DMD: variants seen among roughly 807,000 people sequenced by gnomAD.
DMD encodes mutant dystrophin.
In DMD, 63 loss-of-function variants were observed where a neutral mutation model predicts 330.1. The ratio of observed to expected loss-of-function variants is 0.19; its 90% CI spans 0.16 to 0.24. The LOEUF (loss-of-function observed/expected upper bound fraction) is 0.24, where lower values mean the gene tolerates loss of function less well. DMD is among the 10% of genes least tolerant of loss of function. The pLI is 1.00. For synonymous variants in DMD, 1,223 were observed against 959.8 expected (o/e 1.27, Z -5.07); for missense variants, 3,344 against 2,684.1 (o/e 1.25, Z -5.43).
At chrX:32,898,311 T>C (rs1205485455) in intron 2 of DMD, among the ~76,000 whole-genome samples, 2 of 112,121 alleles carry the variant, frequency 1.8e-5, no homozygotes, top group Non-Finnish European at 3.8e-5. Flanking sequence ...CTGGTAGCCA[T>C]TGATCTAATT....
Position 31,786,432 on chromosome X carries a change from T to C in DMD, c.7310-12240A>G, listed in dbSNP as rs140151147. 3.3e-3 allele frequency among the ~76,000 whole-genome samples: 364 copies of C among 111,900 alleles called. 3 individuals carry two copies. Among genetic ancestry groups the C allele is most frequent in the African/African-American group, 0.01 (323 of 30,853 alleles). On this transcript the variant is annotated intron_variant, in intron 50 of 78. Coordinates refer to ENST00000357033, the MANE Select transcript of DMD (RefSeq NM_004006.3). ...TTAAAAGAGATTTTTTTGAGTACTATAATAAATATCATCCTGTAAATTCCA... is the reference window on the plus strand; with the variant it reads ...TTAAAAGAGATTTTTTTGAGTACTACAATAAATATCATCCTGTAAATTCCA...
rs759509529 is a variant in DMD at position 32,527,864 on chromosome X, C to A, written c.2169-9733G>T. Among the ~76,000 whole-genome samples the A allele has an allele frequency of 1.7e-3, 185 of 111,358 alleles. 1 individual carries two copies. The highest frequency in any genetic ancestry group is 5.8e-3 in the African/African-American group (179 of 30,617). ...TGTATACACACACACAACACATACA[C>A]GTTTGTATAGTGTAAGTGTGTCTCC... is the stretch of plus-strand genomic sequence containing the variant. On this transcript the variant is annotated intron_variant, in intron 17 of 78. Coordinates refer to ENST00000357033, the MANE Select transcript of DMD (RefSeq NM_004006.3).
In DMD at chrX:32,042,064, TATGTACACATATATACACACACAC is replaced by T. The variant is rs2147383096; in HGVS notation, c.6439-73574_6439-73551del. 6.6e-5 allele frequency among the ~76,000 whole-genome samples: 4 copies of T among 60,283 alleles called. No homozygotes were observed. The South Asian group carries it at 2.6e-3, about 39-fold the overall frequency. 52.3% of individuals were successfully genotyped at this position (60,283 alleles called of 115,157 possible). A position where few individuals can be genotyped will look rare whatever the true frequency, so the allele number is the denominator to read the frequency against. On this transcript the variant is annotated intron_variant, in intron 44 of 78. Transcript: ENST00000357033. ...ATATATATATATATATATATATATA[TATGTACACATATATACACACACAC>T]ATATGTATACATATATACATACATA...
chrX:32,635,571 C>T (rs2059040165), intron 11 of DMD, among the ~76,000 whole-genome samples: 1 of 111,918 alleles, frequency 8.9e-6, no homozygotes, highest in Admixed American at 9.5e-5. Context: ...CAAGAAATGG[C>T]AAACATGTTT....
chrX:31,396,548 G>GTTTTTTT (rs56745544), intron 60 of DMD, among the ~76,000 whole-genome samples: 3 of 66,044 alleles, frequency 4.5e-5, no homozygotes, highest in East Asian at 5.8e-4. Flanking sequence ...AAATCCCAGG[G>GTTTTTTT]TTTTTTTTTT....
chrX:32,281,433 A>C (rs1266949409), intron 43 of DMD, among the ~76,000 whole-genome samples: 2 of 112,274 alleles, frequency 1.8e-5, no homozygotes, highest in South Asian at 3.7e-4. Flanking sequence ...TGTAAGTATA[A>C]ATTTTAGTTC....
At chrX:32,274,288 C>T (rs2097376793) in intron 43 of DMD, among the ~76,000 whole-genome samples, 1 of 111,668 alleles carries the variant, frequency 9.0e-6, no homozygotes, top group African/African-American at 3.3e-5. Context: ...TACAACTATC[C>T]TGGGAAACAA....
rs2048138516 is a variant in DMD at position 31,240,474 on chromosome X, T to C, written c.9287-17353A>G. Among the ~76,000 whole-genome samples, 5 of 111,882 alleles carry C rather than the reference T, an allele frequency of 4.5e-5. No homozygotes were observed. In the South Asian group the frequency reaches 1.5e-3, roughly 33 times the overall value. On this transcript the variant is annotated intron_variant, in intron 63 of 78. Coordinates refer to ENST00000357033, the MANE Select transcript of DMD (RefSeq NM_004006.3). ...TTTCTTAAAGTCATGTGCACTTTTT[T>C]TAATGATTGAGTATTAAATCTATCT...
chrX:31,987,872 T>C (rs1267015615), intron 44 of DMD, among the ~76,000 whole-genome samples: 2 of 112,068 alleles, frequency 1.8e-5, no homozygotes, highest in Non-Finnish European at 3.8e-5. Context: ...CAGTATGTCA[T>C]AGAGATATCT....
At chrX:32,914,152 C>G (rs2087565207) in intron 2 of DMD, among the ~76,000 whole-genome samples, 1 of 111,735 alleles carries the variant, frequency 8.9e-6, no homozygotes, top group Admixed American at 9.6e-5. Flanking sequence ...CCCCATCAAG[C>G]ATCATTATCA....
chrX:32,405,953 G>A (rs1297595046), intron 30 of DMD, among the ~76,000 whole-genome samples: 1 of 110,896 alleles, frequency 9.0e-6, no homozygotes, highest in Non-Finnish European at 1.9e-5. Flanking sequence ...AGTTCTCCTT[G>A]AAGAGGTCCT....
rs761491922 is a variant in DMD at position 32,390,179 on chromosome X, T to G, written c.4236A>C (p.Lys1412Asn). Residue 1412 changes from lysine (K) to asparagine (N), a missense_variant and splice_region_variant, in exon 31 of 79, where the codon AAA becomes AAC. Transcript: ENST00000357033. The stretch of plus-strand genomic sequence containing the variant: ...CATGACTTGTCAAATCAGATTGGAT[T>G]TTCTGTTGGGAGGATAGCATTATTA... Reference protein sequence around the residue: ...DAAQMPQEAQKIQSDLTSHEI... With the variant: ...DAAQMPQEAQNIQSDLTSHEI... 1.7e-6 allele frequency: 2 copies of G among 1,179,832 alleles called. No homozygotes were observed. The highest frequency in any genetic ancestry group is 3.6e-5 in the South Asian group (2 of 56,182).
rs759419876 is a variant in DMD at position 33,237,832 on chromosome X, T to C, written c.7+101427A>G. ...CAATTAAAATGAATTAATTTTTGTATTGAAAAATTTAGTAATAAAAACTGA... is the reference window on the plus strand; with the variant it reads ...CAATTAAAATGAATTAATTTTTGTACTGAAAAATTTAGTAATAAAAACTGA... On this transcript the variant is annotated intron_variant, in intron 1 of 17. Transcript: ENST00000288447. Among the ~76,000 whole-genome samples the C allele has an allele frequency of 3.6e-5, 4 of 112,351 alleles. No individual in the cohort carries two copies. The South Asian group carries it at 1.5e-3, about 41-fold the overall frequency.
intron 7 of DMD, among the ~76,000 whole-genome samples, chrX:32,701,783 A>C (rs2064156234): frequency 3.6e-5 from 4 of 111,791 alleles, no homozygotes; most frequent in East Asian, 2.8e-4. Context: ...AAAAGTAAAA[A>C]ATGGTGAAAA....
intron 1 of DMD, among the ~76,000 whole-genome samples, chrX:33,311,374 C>T (rs1387778887): frequency 1.8e-5 from 2 of 110,027 alleles, no homozygotes; most frequent in Non-Finnish European, 3.8e-5. Context: ...CTGTTCTTAC[C>T]ACAGATATAT....
chrX:32,791,260 C>T (rs73621832), intron 7 of DMD, among the ~76,000 whole-genome samples: 223 of 112,129 alleles, frequency 2.0e-3, no homozygotes, highest in African/African-American at 6.5e-3. Context: ...ATGCTTGCTG[C>T]CCCTGGGCTG....
intron 2 of DMD, among the ~76,000 whole-genome samples, chrX:33,018,068 TAAG>T (rs2093838562): frequency 1.8e-5 from 2 of 112,451 alleles, no homozygotes; most frequent in African/African-American, 6.4e-5. Flanking sequence ...CAGAAAAGAA[TAAG>T]AAAAGAGGAA....
intron 61 of DMD, among the ~76,000 whole-genome samples, chrX:31,335,502 T>C: frequency 8.9e-6 from 1 of 112,466 alleles, no homozygotes; most frequent in Middle Eastern, 4.6e-3. Flanking sequence ...TCTATGTTAC[T>C]GACCATCTTA....
chrX:33,142,239 C>A (rs1253382762), intron 1 of DMD, among the ~76,000 whole-genome samples: 5 of 111,965 alleles, frequency 4.5e-5, no homozygotes. Context: ...GCATGTGCCA[C>A]CATGCTCGGC....
Sources: gnomAD v4.1 joint callset for allele counts (sites outside exome capture counted in the v4.1 genomes callset) on GRCh38, gnomAD v4.1.1 for gene constraint, MANE v1.5 for transcripts, NCBI Gene and HGNC (gene_info 2026-07-23, HGNC 2026-07-21) for gene names.